ZNF385D: variants seen among roughly 807,000 people sequenced by gnomAD.
ZNF385D encodes the protein zinc finger protein 659.
Under a neutral mutation model 35.8 loss-of-function variants are expected in ZNF385D, and 15 were observed. That is an observed-to-expected ratio of 0.42 (90% confidence interval 0.28 to 0.64). ZNF385D has a LOEUF of 0.64. Among genes scored for constraint, ZNF385D ranks in the 30% least tolerant of loss-of-function variants. The pLI is 0.23. For missense variants in ZNF385D, 474 were observed against 494.6 expected (o/e 0.96, Z 0.39); for synonymous variants, 212 against 186.8 (o/e 1.13, Z -1.10).
chr3:21,663,915 A>ATATATATATATAATT (rs1159950305), intron 2 of ZNF385D, among the ~76,000 whole-genome samples: 1 of 105,892 alleles, frequency 9.4e-6, no homozygotes, highest in Non-Finnish European at 1.9e-5. Flanking sequence ...ATATATATAT[A>ATATATATATATAATT]TATTTATTTA....
At chr3:21,949,965 A>C (rs1701986209) in intron 3 of ZNF385D, among the ~76,000 whole-genome samples, 2 of 152,100 alleles carry the variant, frequency 1.3e-5, no homozygotes, top group African/African-American at 2.4e-5. Flanking sequence ...ATTGATGTGC[A>C]TTTGGGTTGG....
At chr3:21,832,010 T>C (rs932665856) in intron 3 of ZNF385D, among the ~76,000 whole-genome samples, 13 of 152,214 alleles carry the variant, frequency 8.5e-5, no homozygotes, top group Middle Eastern at 3.2e-3. Flanking sequence ...TTAGCTTGCA[T>C]ACCACTCCAG....
intron 2 of ZNF385D, among the ~76,000 whole-genome samples, chr3:21,610,160 T>A (rs1427831395): frequency 6.7e-6 from 1 of 148,984 alleles, no homozygotes; most frequent in Non-Finnish European, 1.5e-5. Context: ...AAAAATGTGT[T>A]TATGCATATA....
chr3:22,141,003 T>A (rs1704470415), intron 3 of ZNF385D, among the ~76,000 whole-genome samples: 1 of 152,178 alleles, frequency 6.6e-6, no homozygotes, highest in Non-Finnish European at 1.5e-5. Flanking sequence ...AAATTGTATA[T>A]CAATATCACC....
chr3:21,487,950 T>C (rs1705154765), intron 4 of ZNF385D, among the ~76,000 whole-genome samples: 1 of 152,166 alleles, frequency 6.6e-6, no homozygotes, highest in Non-Finnish European at 1.5e-5. Flanking sequence ...TATAAGAATG[T>C]GCAATGCAAA....
chr3:22,331,430 AC>A (rs1348703928), intron 2 of ZNF385D, among the ~76,000 whole-genome samples: 1 of 152,156 alleles, frequency 6.6e-6, no homozygotes. Flanking sequence ...CAAAAAGAAA[AC>A]TTTGAATATT....
chr3:21,903,460 T>G (rs1344026474), intron 3 of ZNF385D, among the ~76,000 whole-genome samples: 2 of 152,154 alleles, frequency 1.3e-5, no homozygotes, highest in Admixed American at 1.3e-4. Context: ...GCTGGCTTCA[T>G]AGACAGTATC....
rs113976998 is a variant in ZNF385D at position 22,165,029 on chromosome 3, A to C, written c.325+3788T>G. On this transcript the variant is annotated intron_variant, in intron 3 of 5. Coordinates refer to the ZNF385D transcript ENST00000494108. Reference sequence around the variant, plus strand: ...GGAGGGAAAGATGAATAGGCAGAGCACAGAGGACTTTTAGGGCAGCAAAAC... The same window carrying C: ...GGAGGGAAAGATGAATAGGCAGAGCCCAGAGGACTTTTAGGGCAGCAAAAC... 6.8e-3 allele frequency among the ~76,000 whole-genome samples: 1,035 copies of C among 152,336 alleles called. 15 individuals carry two copies. Among genetic ancestry groups the C allele is most frequent in the African/African-American group, 0.023 (975 of 41,578 alleles).
At chr3:21,835,158 T>A (rs1695249391) in intron 3 of ZNF385D, among the ~76,000 whole-genome samples, 1 of 151,862 alleles carries the variant, frequency 6.6e-6, no homozygotes, top group South Asian at 2.1e-4. Flanking sequence ...CTACTAAAGG[T>A]ACTATCATAT....
At chr3:21,453,664 G>A (rs1702606113) in intron 4 of ZNF385D, among the ~76,000 whole-genome samples, 1 of 151,858 alleles carries the variant, frequency 6.6e-6, no homozygotes, top group East Asian at 1.9e-4. Flanking sequence ...ACAACCACTA[G>A]GATGGCTATA....
At chr3:21,614,586 A>G (rs1343432433) in intron 2 of ZNF385D, among the ~76,000 whole-genome samples, 1 of 151,772 alleles carries the variant, frequency 6.6e-6, no homozygotes, top group African/African-American at 2.4e-5. Flanking sequence ...TGAAGTACAG[A>G]TTTTTTGTTT....
chr3:21,823,875 T>C (rs1694432981), intron 3 of ZNF385D, among the ~76,000 whole-genome samples: 2 of 152,346 alleles, frequency 1.3e-5, no homozygotes, highest in African/African-American at 2.4e-5. Flanking sequence ...CTTAGGTTTA[T>C]TGAACGTCAA....
chr3:22,158,590 T>C (rs1364442439), intron 3 of ZNF385D, among the ~76,000 whole-genome samples: 2 of 151,138 alleles, frequency 1.3e-5, no homozygotes, highest in Non-Finnish European at 2.9e-5. Flanking sequence ...AAAATTACTT[T>C]CTGATCTCTC....
At chr3:21,613,406 G>GAA (rs904765472) in intron 2 of ZNF385D, among the ~76,000 whole-genome samples, 3 of 143,278 alleles carry the variant, frequency 2.1e-5, no homozygotes, top group African/African-American at 5.1e-5. Context: ...GGCGGTTTTA[G>GAA]AAAAAAAAAA....
At chr3:21,458,817 G>C (rs943783783) in intron 4 of ZNF385D, among the ~76,000 whole-genome samples, 3 of 139,928 alleles carry the variant, frequency 2.1e-5, no homozygotes, top group Non-Finnish European at 3.1e-5. Flanking sequence ...TGCGGGGTGG[G>C]GGGGCGGGAC....
At chr3:21,508,046 G>A (rs995935887) in intron 4 of ZNF385D, among the ~76,000 whole-genome samples, 2 of 151,862 alleles carry the variant, frequency 1.3e-5, no homozygotes, top group Non-Finnish European at 1.5e-5. Context: ...CCTGATATAG[G>A]TCCTCATGGA....
chr3:21,485,557 TG>T (rs1369142033), intron 4 of ZNF385D, among the ~76,000 whole-genome samples: 8 of 152,146 alleles, frequency 5.3e-5, no homozygotes, highest in Non-Finnish European at 1.0e-4. Context: ...TCTTCCTCTA[TG>T]TTTTTTTAAT....
intron 3 of ZNF385D, among the ~76,000 whole-genome samples, chr3:21,944,223 C>T (rs1701668126): frequency 6.6e-6 from 1 of 152,152 alleles, no homozygotes; most frequent in Non-Finnish European, 1.5e-5. Flanking sequence ...CTGTACAAAT[C>T]TTCTTAAGTC....
intron 3 of ZNF385D, chr3:21,942,419 A>G (rs999988023): frequency 3.3e-5 from 5 of 152,110 alleles, no homozygotes; most frequent in Admixed American, 1.3e-4. Flanking sequence ...GAATGTAAGG[A>G]CTCATCCTTC....
Sources: gnomAD v4.1 joint callset for allele counts (sites outside exome capture counted in the v4.1 genomes callset) on GRCh38, gnomAD v4.1.1 for gene constraint, MANE v1.5 for transcripts, NCBI Gene and HGNC (gene_info 2026-07-23, HGNC 2026-07-21) for gene names.